DLGAP1: variants seen among roughly 807,000 people sequenced by gnomAD.
DLGAP1 encodes the protein disks large-associated protein 1.
A neutral mutation model predicts 90.8 loss-of-function variants in DLGAP1; 11 were observed. The observed-to-expected ratio is 0.12, with a 90% CI of 0.08 to 0.20. The LOEUF (loss-of-function observed/expected upper bound fraction) is 0.20, where lower values mean the gene tolerates loss of function less well. DLGAP1 is among the 10% of genes least tolerant of loss of function. DLGAP1 has a pLI of 1.00. For missense variants in DLGAP1, 1,050 were observed against 1,333.8 expected, an observed-to-expected ratio of 0.79 and a Z score of 3.31; for synonymous variants, 558 against 540.7, an observed-to-expected ratio of 1.03 and a Z score of -0.44.
intron 1 of DLGAP1, among the ~76,000 whole-genome samples, chr18:4,245,097 T>G (rs2078625735): frequency 6.6e-6 from 1 of 152,224 alleles, no homozygotes; most frequent in African/African-American, 2.4e-5. Flanking sequence ...AGCTGTGGTC[T>G]GCTACGTTGT....
rs979399100 is a variant in DLGAP1, at chr18:4,342,293, TTA to T, written c.-267+112711_-267+112712del. ...CATTTTAATGGTAGGCGAGGATTTT[TTA>T]TATTAGATGTTACTTGTATTTTTGA... is the stretch of plus-strand genomic sequence containing the variant. On this transcript the variant is annotated intron_variant, in intron 1 of 12. Coordinates refer to ENST00000315677, the MANE Select transcript of DLGAP1 (RefSeq NM_004746.4). This position sits in a 1 kb window ranked among gnomAD's most constrained non-coding sequence, Gnocchi z 5.8. Among the ~76,000 whole-genome samples, 23 of 152,120 alleles carry T rather than the reference TTA, an allele frequency of 1.5e-4. No homozygotes were observed. Among genetic ancestry groups the T allele is most frequent in the Admixed American group, 6.6e-5 (1 of 15,256 alleles).
intron 1 of DLGAP1, among the ~76,000 whole-genome samples, chr18:4,181,689 G>T (rs1290750301): frequency 6.6e-6 from 1 of 151,514 alleles, no homozygotes; most frequent in South Asian, 2.1e-4. Flanking sequence ...AGTGTCTTTG[G>T]ATTTCTTCTT....
chr18:3,589,060 C>T (rs369691554), intron 7 of DLGAP1, among the ~76,000 whole-genome samples: 3 of 150,972 alleles, frequency 2.0e-5, no homozygotes, highest in Non-Finnish European at 4.4e-5. Flanking sequence ...TGGTGGCAGG[C>T]GCCTGTAATC....
chr18:4,171,746 C>A (rs950014947), intron 1 of DLGAP1, among the ~76,000 whole-genome samples: 1 of 151,974 alleles, frequency 6.6e-6, no homozygotes, highest in Non-Finnish European at 1.5e-5. Flanking sequence ...TCTCTAATAT[C>A]GAAGAGCACA....
Position 3,502,473 on chromosome 18 carries a change from C to A in DLGAP1, c.2724+20G>T. On this transcript the variant is annotated intron_variant, in intron 12 of 12. Transcript: ENST00000315677. ...TGTGCAGGTTTTTAAATGAACCATA[C>A]AAAATCTACATTGTTCTACCTTCTT... The A allele has an allele frequency of 6.2e-7, 1 of 1,613,902 alleles. No individual in the cohort carries two copies.
intron 5 of DLGAP1, among the ~76,000 whole-genome samples, chr18:3,785,711 A>G (rs1218588007): frequency 1.3e-5 from 2 of 152,210 alleles, no homozygotes; most frequent in Non-Finnish European, 2.9e-5. Flanking sequence ...TTTCTGAGAT[A>G]GCGAATGAGA....
At chr18:3,643,354 T>C (rs187694226) in intron 7 of DLGAP1, among the ~76,000 whole-genome samples, 1 of 152,018 alleles carries the variant, frequency 6.6e-6, no homozygotes, top group East Asian at 1.9e-4. Context: ...AGAAAAAGAC[T>C]AACAGTCATC....
intron 1 of DLGAP1, among the ~76,000 whole-genome samples, chr18:4,373,195 A>G (rs2081951750): frequency 6.6e-6 from 1 of 152,082 alleles, no homozygotes; most frequent in Admixed American, 6.5e-5. Flanking sequence ...GGTGTCAACA[A>G]TGGATTACAG....
intron 1 of DLGAP1, among the ~76,000 whole-genome samples, chr18:4,379,369 A>G (rs2082074218): frequency 6.6e-6 from 1 of 152,154 alleles, no homozygotes; most frequent in African/African-American, 2.4e-5. Flanking sequence ...TACTACTGCC[A>G]TCTTTTAATA....
chr18:3,688,667 A>C (rs866555657), intron 7 of DLGAP1, among the ~76,000 whole-genome samples: 31 of 122,238 alleles, frequency 2.5e-4, no homozygotes, highest in African/African-American at 5.8e-4. Context: ...ACACACACAC[A>C]CCCTACCAAA....
chr18:3,698,007 T>C (rs342495), intron 7 of DLGAP1, among the ~76,000 whole-genome samples: 93,758 of 152,030 alleles, frequency 0.62, 30,934 homozygotes, highest in African/African-American at 0.85. Context: ...GGATTGCAAC[T>C]CCTGCTTTTT....
intron 4 of DLGAP1, among the ~76,000 whole-genome samples, chr18:3,819,574 T>C (rs1338277133): frequency 2.6e-5 from 4 of 152,144 alleles, no homozygotes; most frequent in African/African-American, 9.7e-5. Context: ...TGTCATGAGT[T>C]TGGAAAAAAA....
At chr18:3,870,521 C>T (rs1043841804) in intron 4 of DLGAP1, among the ~76,000 whole-genome samples, 2 of 152,110 alleles carry the variant, frequency 1.3e-5, no homozygotes, top group Non-Finnish European at 2.9e-5. Context: ...CAGTTGCTCC[C>T]ATTTAATATA....
At chr18:3,679,242 CT>C (rs1257241991) in intron 7 of DLGAP1, among the ~76,000 whole-genome samples, 1 of 145,982 alleles carries the variant, frequency 6.9e-6, no homozygotes, top group Non-Finnish European at 1.5e-5. Flanking sequence ...TTCAGAAAAG[CT>C]CTTGTTGACC....
At chr18:4,259,996 T>C (rs1399949472) in intron 1 of DLGAP1, among the ~76,000 whole-genome samples, 1 of 152,170 alleles carries the variant, frequency 6.6e-6, no homozygotes, top group Non-Finnish European at 1.5e-5. Context: ...GAAAACAATT[T>C]TATATAATTA....
intron 1 of DLGAP1, among the ~76,000 whole-genome samples, chr18:4,302,047 T>C (rs1412177925): frequency 1.3e-5 from 2 of 152,208 alleles, no homozygotes; most frequent in Non-Finnish European, 2.9e-5. Flanking sequence ...TAACCACTTA[T>C]CAGATGTGTG....
chr18:3,696,712 A>G (rs184871624), intron 7 of DLGAP1, among the ~76,000 whole-genome samples: 4 of 152,148 alleles, frequency 2.6e-5, no homozygotes, highest in African/African-American at 7.2e-5. Context: ...CTGGCCTCAT[A>G]AAGTGAGTTA....
chr18:4,187,126 T>C (rs564884367), intron 1 of DLGAP1, among the ~76,000 whole-genome samples: 105 of 152,308 alleles, frequency 6.9e-4, no homozygotes, highest in African/African-American at 2.5e-3. Flanking sequence ...TTGCTGAAAT[T>C]GTTTATCAGC....
chr18:3,726,974 C>T (rs1027184814), intron 7 of DLGAP1, among the ~76,000 whole-genome samples: 3 of 152,194 alleles, frequency 2.0e-5, no homozygotes, highest in Admixed American at 6.5e-5. Flanking sequence ...CTGGTTAAAG[C>T]CCTTTAGATT....
Sources: allele counts gnomAD v4.1 joint callset (sites outside exome capture counted in the v4.1 genomes callset), GRCh38; gene constraint gnomAD v4.1.1; non-coding constraint Gnocchi (gnomAD v3.1); transcripts MANE v1.5; gene names NCBI Gene and HGNC (gene_info 2026-07-23, HGNC 2026-07-21).